ROBO2: variants seen among roughly 807,000 people sequenced by gnomAD.
ROBO2 encodes the protein roundabout homolog 2.
A neutral mutation model predicts 160.8 loss-of-function variants in ROBO2; 53 were observed. The ratio of observed to expected loss-of-function variants is 0.33; its 90% confidence interval spans 0.26 to 0.41. The LOEUF is 0.41. Ranked by LOEUF, ROBO2 falls within the 10% of genes least tolerant of loss-of-function variation. ROBO2 has a pLI of 1.00. For synonymous variants in ROBO2, 664 were observed against 611.7 expected, an observed-to-expected ratio of 1.09 and a Z score of -1.26; for missense variants, 1,577 against 1,722.4, an observed-to-expected ratio of 0.92 and a Z score of 1.49.
intron 2 of ROBO2, among the ~76,000 whole-genome samples, chr3:76,419,892 T>A (rs3913584): frequency 0.21 from 32,300 of 152,070 alleles, 4,602 homozygotes; most frequent in Non-Finnish European, 0.3. Flanking sequence ...TTAGTAATAG[T>A]GATATATCAG....
chr3:76,529,438 T>C (rs1041115486), intron 2 of ROBO2, among the ~76,000 whole-genome samples: 2 of 152,126 alleles, frequency 1.3e-5, no homozygotes, highest in Non-Finnish European at 2.9e-5. Flanking sequence ...TCAACTTCTC[T>C]TTCTAAAAAC....
chr3:76,811,507 G>A (rs1392648119), intron 2 of ROBO2, among the ~76,000 whole-genome samples: 2 of 152,044 alleles, frequency 1.3e-5, no homozygotes, highest in African/African-American at 4.8e-5. Context: ...TTTAAATGTC[G>A]TGTTTTAAAT....
Position 76,060,943 on chromosome 3 carries a change from C to T in ROBO2, c.109+123341C>T, listed in dbSNP as rs116358275. ...TCCACCTTGGACTCAGTCAGTGTTT[C>T]AATATTAGAAATTCTAGAAGCATGT... is the stretch of plus-strand genomic sequence containing the variant. On this transcript the variant is annotated intron_variant, in intron 2 of 26. Coordinates refer to the ROBO2 transcript ENST00000487694. Among the ~76,000 whole-genome samples the T allele has an allele frequency of 2.0e-3, 304 of 152,214 alleles. 1 individual carries two copies. Among genetic ancestry groups the T allele is most frequent in the African/African-American group, 7.0e-3 (290 of 41,546 alleles).
chr3:76,930,821 A>T (rs2077291603), intron 2 of ROBO2, among the ~76,000 whole-genome samples: 1 of 152,216 alleles, frequency 6.6e-6, no homozygotes, highest in South Asian at 2.1e-4. Flanking sequence ...AGTGGATTGG[A>T]AAATTCCCAG....
chr3:76,754,759 A>G (rs1168629529), intron 2 of ROBO2, among the ~76,000 whole-genome samples: 1 of 151,894 alleles, frequency 6.6e-6, no homozygotes, highest in Non-Finnish European at 1.5e-5. Context: ...GAGACTCATT[A>G]TTAATTAGGA....
At position 76,486,758 on chromosome 3, in the gene ROBO2, A is replaced by C. The variant is rs143391707; in HGVS notation, c.109+549156A>C. Among the ~76,000 whole-genome samples the C allele has an allele frequency of 1.7e-3, 266 of 152,288 alleles. 2 individuals carry two copies. The highest frequency in any genetic ancestry group is 2.8e-3 in the Non-Finnish European group (188 of 68,026). On this transcript the variant is annotated intron_variant, in intron 2 of 26. Transcript: ENST00000487694. ...TGATAGCTAATACTTTTTCTCAGAA[A>C]CAAAATGTATGATATTATTATTCTT...
rs142167116 is a variant in ROBO2 at position 76,475,361 on chromosome 3, A to T, written c.109+537759A>T. On this transcript the variant is annotated intron_variant, in intron 2 of 26. Transcript: ENST00000487694. ...GAATGAGGATGAAGTGGAAGGAGAG[A>T]CAATGAGGCCAAGGAGAGACACTGA... Among the ~76,000 whole-genome samples, 442 of 152,204 alleles carry T rather than the reference A, an allele frequency of 2.9e-3. 2 individuals are homozygous for T. The highest frequency in any genetic ancestry group is 9.9e-3 in the African/African-American group (411 of 41,544).
intron 2 of ROBO2, among the ~76,000 whole-genome samples, chr3:77,031,128 G>A (rs1329879763): frequency 3.9e-5 from 6 of 152,236 alleles, no homozygotes; most frequent in South Asian, 2.1e-4. Flanking sequence ...TGTGTTATTT[G>A]TTCCAGCCAG....
intron 2 of ROBO2, among the ~76,000 whole-genome samples, chr3:76,749,265 A>T (rs913787740): frequency 6.6e-5 from 10 of 151,276 alleles, no homozygotes; most frequent in African/African-American, 2.2e-4. Flanking sequence ...AAAAAATAGA[A>T]TTTTTTTTTC....
chr3:76,488,865 A>T (rs945717542), intron 2 of ROBO2, among the ~76,000 whole-genome samples: 6 of 152,072 alleles, frequency 3.9e-5, no homozygotes, highest in African/African-American at 1.4e-4. Context: ...TACTATGGAA[A>T]TTATAGCCTT....
intron 2 of ROBO2, among the ~76,000 whole-genome samples, chr3:76,191,292 A>T (rs1255002723): frequency 6.6e-6 from 1 of 152,110 alleles, no homozygotes; most frequent in Non-Finnish European, 1.5e-5. Flanking sequence ...TCATACGTGA[A>T]ACTCCCTTTG....
At chr3:76,091,741 G>A (rs1051523358) in intron 2 of ROBO2, among the ~76,000 whole-genome samples, 1 of 152,088 alleles carries the variant, frequency 6.6e-6, no homozygotes, top group Admixed American at 6.6e-5. Flanking sequence ...AATATTACTC[G>A]ATATTTTGAA....
intron 2 of ROBO2, among the ~76,000 whole-genome samples, chr3:77,216,166 C>A (rs2151147879): frequency 6.6e-6 from 1 of 152,270 alleles, no homozygotes; most frequent in South Asian, 2.1e-4. Flanking sequence ...TGTGCCCTGT[C>A]CCCAGAGGTG....
intron 2 of ROBO2, among the ~76,000 whole-genome samples, chr3:76,699,848 A>G (rs567078017): frequency 6.6e-6 from 1 of 152,086 alleles, no homozygotes; most frequent in East Asian, 1.9e-4. Context: ...ATCTAACTCT[A>G]TGCTTGAAGA....
chr3:77,538,201 C>T (rs1426299949), intron 6 of ROBO2, among the ~76,000 whole-genome samples: 5 of 105,888 alleles, frequency 4.7e-5, no homozygotes, highest in East Asian at 2.9e-4. Context: ...TTTTTTGAGA[C>T]GGAGTCTCTG....
intron 2 of ROBO2, among the ~76,000 whole-genome samples, chr3:76,190,020 G>C (rs1465372869): frequency 6.6e-6 from 1 of 151,982 alleles, no homozygotes; most frequent in Non-Finnish European, 1.5e-5. Context: ...ATGTTCAGCT[G>C]TATTTTTTTG....
intron 2 of ROBO2, among the ~76,000 whole-genome samples, chr3:76,064,722 T>C (rs1191356612): frequency 1.3e-5 from 2 of 152,106 alleles, no homozygotes; most frequent in Admixed American, 6.6e-5. Context: ...ATACATACAA[T>C]GTAGAAGCAC....
intron 2 of ROBO2, among the ~76,000 whole-genome samples, chr3:77,273,583 T>G (rs914480903): frequency 2.0e-5 from 3 of 152,206 alleles, no homozygotes; most frequent in Non-Finnish European, 4.4e-5. Flanking sequence ...GTCATTCCCT[T>G]TCTCTTTATG....
intron 2 of ROBO2, among the ~76,000 whole-genome samples, chr3:76,415,699 C>A (rs1468250860): frequency 2.0e-5 from 3 of 152,128 alleles, no homozygotes; most frequent in Non-Finnish European, 2.9e-5. Flanking sequence ...ATAGCTGCTC[C>A]TTATAAATAT....
Sources: gnomAD v4.1 joint callset for allele counts (sites outside exome capture counted in the v4.1 genomes callset) on GRCh38, gnomAD v4.1.1 for gene constraint, MANE v1.5 for transcripts, NCBI Gene and HGNC (gene_info 2026-07-23, HGNC 2026-07-21) for gene names.